Variants in SPATA7 observed in about 807,000 individuals in gnomAD.
SPATA7 encodes the protein spermatogenesis associated 7, also known as spermatogenesis-associated protein 7.
Under a neutral mutation model 51.8 loss-of-function variants are expected in SPATA7, and 43 were observed. The ratio of observed to expected loss-of-function variants is 0.83; its 90% CI spans 0.65 to 1.07. The LOEUF (loss-of-function observed/expected upper bound fraction) is 1.07, where lower values mean the gene tolerates loss of function less well. Among genes scored for constraint, SPATA7 ranks in the 50% least tolerant of loss-of-function variants. SPATA7 has a pLI of 0.00. For synonymous variants in SPATA7, 230 were observed against 252.8 expected (o/e 0.91, Z 0.86); for missense variants, 683 against 701.3 (o/e 0.97, Z 0.30).
In SPATA7 at chr14:88,393,507, G is replaced by C. The variant is rs1173396478; in HGVS notation, c.190+19G>C. ...GCCAAAGGTAAAAATGTGCAAATGT[G>C]AACTCTCTGTACTCAATTTAAACCT... On this transcript the variant is annotated intron_variant, in intron 3 of 11. Coordinates refer to ENST00000393545, the MANE Select transcript of SPATA7 (RefSeq NM_018418.5). 6.5e-7 allele frequency: 1 copy of C among 1,542,704 alleles called. No homozygotes were observed. The highest frequency in any genetic ancestry group is 1.2e-5 in the South Asian group (1 of 86,196).
chr14:88,455,222 AC>A (rs1309178972), exon 4 of SPATA7: 2 of 403,128 alleles, frequency 5.0e-6, no homozygotes, highest in African/African-American at 4.1e-5. Flanking sequence ...GTATTAATTG[AC>A]CCACAAATAT....
chr14:88,397,865 C>T (rs1051851540), intron 4 of SPATA7, among the ~76,000 whole-genome samples: 21 of 151,982 alleles, frequency 1.4e-4, no homozygotes, highest in African/African-American at 4.1e-4. Context: ...AGGCGGATCA[C>T]GAGGTCAGGA....
intron 3 of SPATA7, among the ~76,000 whole-genome samples, chr14:88,452,503 CT>C (rs140429381): frequency 5.1e-4 from 78 of 152,060 alleles, no homozygotes; most frequent in African/African-American, 1.8e-3. Flanking sequence ...AGATTATGTC[CT>C]TTTTTTTGGA....
chr14:88,393,402 C>T lies in SPATA7; in HGVS notation c.104C>T (p.Thr35Ile). 1 of 1,593,380 alleles carries T rather than the reference C, an allele frequency of 6.3e-7. No homozygotes were observed. Among genetic ancestry groups the T allele is most frequent in the South Asian group, 1.1e-5 (1 of 87,936 alleles). ...HLSTKSNAFC[T>I]DSSSLRLSTL... is the part of the protein sequence containing the mutation. ...ATGTTTTAATTTTTAGCTTTTTGCA[C>T]TGACTCCTCTTCTCTCAGACTAAGC... Residue 35 changes from threonine (T) to isoleucine (I), a missense_variant, in exon 3 of 12, where the codon ACT (threonine) becomes ATT (isoleucine). Transcript: ENST00000393545.
chr14:88,438,537 C>T (rs964281987), downstream of SPATA7: 16 of 900,066 alleles, frequency 1.8e-5, no homozygotes, highest in Admixed American at 4.0e-5. Context: ...AATAAGTTAC[C>T]AGAAACCTAG....
intron 3 of SPATA7, among the ~76,000 whole-genome samples, chr14:88,443,733 G>A (rs897182626): frequency 2.0e-5 from 3 of 151,750 alleles, no homozygotes; most frequent in Non-Finnish European, 4.4e-5. Context: ...AACATGTGGT[G>A]TTTGGTTTTC....
intron 4 of SPATA7, among the ~76,000 whole-genome samples, chr14:88,403,642 G>A (rs773700986): frequency 2.6e-5 from 4 of 152,100 alleles, no homozygotes; most frequent in African/African-American, 4.8e-5. Flanking sequence ...GTGAGATCAC[G>A]TGGTACTTGC....
At chr14:88,411,645 G>A (rs188424648) in intron 4 of SPATA7, among the ~76,000 whole-genome samples, 25 of 152,134 alleles carry the variant, frequency 1.6e-4, no homozygotes, top group Admixed American at 3.3e-4. Context: ...TACCCCTTGC[G>A]CTTCCTGGGT....
chr14:88,455,141 T>C (rs1349734805), exon 4 of SPATA7: 3 of 455,562 alleles, frequency 6.6e-6, no homozygotes, highest in Non-Finnish European at 1.3e-5. Context: ...GCATATGTTC[T>C]ACTATAGAGG....
chr14:88,446,728 C>G (rs1251986650), intron 3 of SPATA7, among the ~76,000 whole-genome samples: 1 of 152,088 alleles, frequency 6.6e-6, no homozygotes, highest in Non-Finnish European at 1.5e-5. Flanking sequence ...TTTCTGCCTT[C>G]GTTTTGTTAT....
At chr14:88,430,991 A>G (rs1278455949) in intron 8 of SPATA7, among the ~76,000 whole-genome samples, 181 bp from the exon 9 acceptor site, 1 of 152,198 alleles carries the variant, frequency 6.6e-6, no homozygotes, top group Non-Finnish European at 1.5e-5. Context: ...AGATTTTTGG[A>G]TTGAGATGCT....
rs116185122 is a variant in SPATA7 at position 88,413,846 on chromosome 14, A to G, written c.239-2865A>G. Among the ~76,000 whole-genome samples, 323 of 152,160 alleles carry G rather than the reference A, an allele frequency of 2.1e-3. 4 individuals are homozygous for G. The highest frequency in any genetic ancestry group is 7.3e-3 in the African/African-American group (304 of 41,534). Reference sequence around the variant, plus strand: ...TGTTTTTAATTCTGTTTATATGGTGAATCGCATTTATTGATTTGCATATGT... The same window carrying G: ...TGTTTTTAATTCTGTTTATATGGTGGATCGCATTTATTGATTTGCATATGT... On this transcript the variant is annotated intron_variant, in intron 4 of 11. Coordinates refer to ENST00000393545, the MANE Select transcript of SPATA7 (RefSeq NM_018418.5).
intron 4 of SPATA7, among the ~76,000 whole-genome samples, chr14:88,460,693 CCTT>C (rs1206932326): frequency 2.0e-5 from 3 of 152,186 alleles, no homozygotes; most frequent in East Asian, 1.9e-4. Context: ...TCGTCTGAAG[CCTT>C]CTTCTCTCAA....
intron 2 of SPATA7, among the ~76,000 whole-genome samples, chr14:88,392,240 A>G (rs1051595353): frequency 6.6e-6 from 1 of 152,222 alleles, no homozygotes; most frequent in Middle Eastern, 3.2e-3. Context: ...TTTAAAATAT[A>G]CATACATAGA....
At chr14:88,390,403 G>T (rs112417610) in intron 1 of SPATA7, among the ~76,000 whole-genome samples, 19 of 152,160 alleles carry the variant, frequency 1.2e-4, no homozygotes, top group African/African-American at 4.3e-4. Context: ...TCTCAGACAG[G>T]TTCCTTTATA....
At chr14:88,407,806 A>G (rs887198617) in intron 4 of SPATA7, among the ~76,000 whole-genome samples, 4 of 152,152 alleles carry the variant, frequency 2.6e-5, no homozygotes, top group African/African-American at 9.7e-5. Flanking sequence ...GAAGGGGTCC[A>G]GTTTCAGTTT....
At chr14:88,468,053 A>G in intron 4 of SPATA7, 1 of 1,509,786 alleles carries the variant, frequency 6.6e-7, no homozygotes, top group Non-Finnish European at 9.1e-7. Context: ...TCAAGTGTCA[A>G]CGGGAAAGTA....
chr14:88,440,073 C>G (rs995203364), downstream of SPATA7, among the ~76,000 whole-genome samples: 2 of 152,156 alleles, frequency 1.3e-5, no homozygotes, highest in African/African-American at 4.8e-5. Context: ...TGTTCCTCAG[C>G]CCCAGGGTTC....
intron 4 of SPATA7, among the ~76,000 whole-genome samples, chr14:88,464,083 C>T (rs1302901960): frequency 6.6e-6 from 1 of 152,048 alleles, no homozygotes; most frequent in African/African-American, 2.4e-5. Context: ...TCGTGATCCA[C>T]CCGCCTCGGC....
Sources: gnomAD v4.1 joint callset for allele counts (sites outside exome capture counted in the v4.1 genomes callset) on GRCh38, gnomAD v4.1.1 for gene constraint, MANE v1.5 for transcripts, NCBI Gene and HGNC (gene_info 2026-07-23, HGNC 2026-07-21) for gene names.